Variants in EDAR observed in about 807,000 individuals in gnomAD.
The protein encoded by EDAR is ectodysplasin A receptor, also known as tumor necrosis factor receptor superfamily member EDAR.
Under a neutral mutation model 51.3 loss-of-function variants are expected in EDAR, and 38 were observed. That is an observed-to-expected ratio of 0.74 (90% CI 0.57 to 0.97). The LOEUF (loss-of-function observed/expected upper bound fraction) is 0.97, where lower values mean the gene tolerates loss of function less well. Ranked by LOEUF, EDAR falls within the 50% of genes least tolerant of loss-of-function variation. The pLI, the probability that EDAR is intolerant of heterozygous loss-of-function variation, is 0.00. For missense variants in EDAR, 528 were observed against 595.0 expected, an observed-to-expected ratio of 0.89 and a Z score of 1.17; for synonymous variants, 227 against 242.1, an observed-to-expected ratio of 0.94 and a Z score of 0.58.
In EDAR at chr2:108,930,110, G is replaced by C; in HGVS notation, c.174+10C>G. ...GAGCGCACCAGGCTCCAGGAGGGCTGGGTCCTTACCAGGTAGGGCTCCTCT... is the reference window on the plus strand; with the variant it reads ...GAGCGCACCAGGCTCCAGGAGGGCTCGGTCCTTACCAGGTAGGGCTCCTCT... On this transcript the variant is annotated intron_variant, in intron 3 of 11. Coordinates refer to ENST00000258443, the MANE Select transcript of EDAR (RefSeq NM_022336.4). 6.2e-7 allele frequency: 1 copy of C among 1,612,170 alleles called. No homozygotes were observed. The highest frequency in any genetic ancestry group is 8.5e-7 in the Non-Finnish European group (1 of 1,178,992).
chr2:108,916,417 C>T (rs189321980), intron 5 of EDAR, among the ~76,000 whole-genome samples: 1 of 152,240 alleles, frequency 6.6e-6, no homozygotes, highest in East Asian at 1.9e-4. Context: ...AGAGAGCACA[C>T]AGACTTGTGG....
chr2:108,984,808 C>G (rs952392061), intron 1 of EDAR, among the ~76,000 whole-genome samples: 3 of 152,188 alleles, frequency 2.0e-5, no homozygotes, highest in African/African-American at 7.2e-5. Flanking sequence ...GTGTTACTCA[C>G]TACATCCCAG....
At chr2:108,959,594 G>C (rs987281839) in intron 1 of EDAR, among the ~76,000 whole-genome samples, 1 of 152,098 alleles carries the variant, frequency 6.6e-6, no homozygotes, top group Non-Finnish European at 1.5e-5. Flanking sequence ...GAGGGGAGCT[G>C]GGGCCTCACA....
At chr2:108,917,216 C>T (rs74642113) in intron 5 of EDAR, among the ~76,000 whole-genome samples, 3,729 of 152,204 alleles carry the variant, frequency 0.025, 92 homozygotes, top group African/African-American at 0.071. Flanking sequence ...AAAAGCAACG[C>T]GCGGCTCGTG....
chr2:108,966,297 T>A (rs150217793), intron 1 of EDAR, among the ~76,000 whole-genome samples: 3 of 152,222 alleles, frequency 2.0e-5, no homozygotes, highest in Non-Finnish European at 2.9e-5. Flanking sequence ...AGTCAGATGA[T>A]CTTTGCAATT....
At chr2:108,950,859 C>A (rs1697812868) in intron 1 of EDAR, among the ~76,000 whole-genome samples, 1 of 152,246 alleles carries the variant, frequency 6.6e-6, no homozygotes, top group Non-Finnish European at 1.5e-5. Flanking sequence ...TGAACTGGAG[C>A]AAGGGACCCA....
intron 5 of EDAR, among the ~76,000 whole-genome samples, chr2:108,913,169 T>TCC (rs1264287910): frequency 4.5e-4 from 68 of 152,242 alleles, no homozygotes; most frequent in Admixed American, 2.5e-3. Context: ...CAGGATGGGC[T>TCC]CGATCTCCTG....
At chr2:108,988,400 C>G (rs1698531869) in intron 1 of EDAR, among the ~76,000 whole-genome samples, 1 of 152,172 alleles carries the variant, frequency 6.6e-6, no homozygotes, top group South Asian at 2.1e-4. Flanking sequence ...AAATGAAAAC[C>G]TCAATCATCA....
chr2:108,946,714 C>A (rs1463054761), intron 1 of EDAR, among the ~76,000 whole-genome samples: 1 of 152,126 alleles, frequency 6.6e-6, no homozygotes, highest in African/African-American at 2.4e-5. Context: ...ACATATCAAA[C>A]AACCAGATCT....
At chr2:108,949,073 G>T (rs1223552474) in intron 1 of EDAR, among the ~76,000 whole-genome samples, 1 of 152,206 alleles carries the variant, frequency 6.6e-6, no homozygotes, top group African/African-American at 2.4e-5. Flanking sequence ...GACCTCCAGA[G>T]CTCAAGTGAT....
At chr2:108,944,746 C>A (rs900501082) in intron 1 of EDAR, among the ~76,000 whole-genome samples, 5 of 152,166 alleles carry the variant, frequency 3.3e-5, no homozygotes, top group African/African-American at 1.2e-4. Context: ...GAGGAGGGAG[C>A]TGTGGCACAG....
At chr2:108,932,506 G>C (rs1032732637) in intron 1 of EDAR, among the ~76,000 whole-genome samples, 2 of 142,480 alleles carry the variant, frequency 1.4e-5, no homozygotes, top group Non-Finnish European at 3.0e-5. Context: ...TCCAGCCTGG[G>C]CGACAGAGTG....
At chr2:108,915,955 C>T (rs1697020912) in intron 5 of EDAR, among the ~76,000 whole-genome samples, 1 of 151,940 alleles carries the variant, frequency 6.6e-6, no homozygotes, top group Admixed American at 6.6e-5. Context: ...AAGTGCGTGC[C>T]CCTAGCTGAA....
chr2:108,909,602 C>T (rs1331722548), intron 9 of EDAR, among the ~76,000 whole-genome samples: 1 of 152,206 alleles, frequency 6.6e-6, no homozygotes, highest in Admixed American at 6.5e-5. Context: ...CAGTGGCTGT[C>T]GGGCAGAGGC....
intron 1 of EDAR, among the ~76,000 whole-genome samples, chr2:108,984,961 GA>G (rs904484036): frequency 2.0e-5 from 3 of 152,184 alleles, no homozygotes; most frequent in Non-Finnish European, 4.4e-5. Context: ...ATGGCAAATG[GA>G]AGTTTTAAGA....
chr2:108,929,439 C>T (rs117489209), intron 3 of EDAR, 60 bp from the exon 4 acceptor site: 17,954 of 1,557,476 alleles, frequency 0.012, 158 homozygotes, highest in East Asian at 0.031. Flanking sequence ...CATACGGACT[C>T]GGCCCACAGT....
intron 11 of EDAR, among the ~76,000 whole-genome samples, chr2:108,898,820 CAG>C (rs1696648298): frequency 6.6e-6 from 1 of 152,046 alleles, no homozygotes; most frequent in South Asian, 2.1e-4. Context: ...TGCTCAATGA[CAG>C]AGTAAGACAG....
chr2:108,975,312 AC>A (rs1698303062), intron 1 of EDAR, among the ~76,000 whole-genome samples: 1 of 152,154 alleles, frequency 6.6e-6, no homozygotes, highest in Non-Finnish European at 1.5e-5. Context: ...CTGGGTTCCC[AC>A]CCGTGTCTTC....
intron 1 of EDAR, among the ~76,000 whole-genome samples, chr2:108,974,329 C>CAA (rs11346592): frequency 1.5e-3 from 94 of 61,480 alleles, no homozygotes; most frequent in East Asian, 8.0e-3. Context: ...GGATCCGTCT[C>CAA]AAAAAAAAAA....
Sources: gnomAD v4.1 joint callset for allele counts (sites outside exome capture counted in the v4.1 genomes callset) on GRCh38, gnomAD v4.1.1 for gene constraint, MANE v1.5 for transcripts, NCBI Gene and HGNC (gene_info 2026-07-23, HGNC 2026-07-21) for gene names.